PTPRD: variants seen among roughly 807,000 people sequenced by gnomAD.
PTPRD encodes the protein receptor-type tyrosine-protein phosphatase delta.
Under a neutral mutation model 214.5 loss-of-function variants are expected in PTPRD, and 34 were observed. That is an observed-to-expected ratio of 0.16 (90% CI 0.12 to 0.21). The LOEUF (loss-of-function observed/expected upper bound fraction) is 0.21. Among genes scored for constraint, PTPRD ranks in the 10% least tolerant of loss-of-function variants. The probability of loss-of-function intolerance (pLI) is 1.00; values close to 1 mark genes in which losing one functional copy is unlikely to be tolerated. For missense variants in PTPRD, 2,545 were observed against 2,398.7 expected, an observed-to-expected ratio of 1.06 and a Z score of -1.27; for synonymous variants, 1,128 against 845.7, an observed-to-expected ratio of 1.33 and a Z score of -5.79.
At chr9:9,116,957 G>C (rs187523889) in intron 10 of PTPRD, among the ~76,000 whole-genome samples, 156 of 152,172 alleles carry the variant, frequency 1.0e-3, no homozygotes, top group African/African-American at 3.6e-3. Flanking sequence ...ATACATATTT[G>C]TCCAATAAAT....
intron 9 of PTPRD, among the ~76,000 whole-genome samples, chr9:9,358,709 C>A (rs962273596): frequency 6.6e-6 from 1 of 151,264 alleles, no homozygotes; most frequent in Non-Finnish European, 1.5e-5. Flanking sequence ...AATGGTAGAA[C>A]TAAAAAGTAC....
At chr9:8,868,396 G>T (rs1376809828) in intron 11 of PTPRD, among the ~76,000 whole-genome samples, 1 of 152,026 alleles carries the variant, frequency 6.6e-6, no homozygotes, top group African/African-American at 2.4e-5. Flanking sequence ...AGAGAAGGGG[G>T]TGTCACTATG....
At chr9:8,738,826 C>T (rs7046324) in intron 11 of PTPRD, among the ~76,000 whole-genome samples, 11,125 of 152,094 alleles carry the variant, frequency 0.073, 1,086 homozygotes, top group African/African-American at 0.23. Context: ...CATTGTTTAT[C>T]TCTGAACATT....
intron 3 of PTPRD, among the ~76,000 whole-genome samples, chr9:10,268,900 T>G (rs1045903541): frequency 1.3e-5 from 2 of 152,318 alleles, no homozygotes; most frequent in Non-Finnish European, 2.9e-5. Context: ...TCAGCAACAT[T>G]GGCATTATTT....
At chr9:10,123,476 T>C (rs2098792482) in intron 3 of PTPRD, among the ~76,000 whole-genome samples, 1 of 152,188 alleles carries the variant, frequency 6.6e-6, no homozygotes, top group Admixed American at 6.5e-5. Context: ...AGTGAAGAAA[T>C]GTCTTGGAAG....
intron 11 of PTPRD, among the ~76,000 whole-genome samples, chr9:8,932,260 A>G (rs578088670): frequency 6.6e-6 from 1 of 152,076 alleles, no homozygotes; most frequent in South Asian, 2.1e-4. Context: ...TAGGGTGTCG[A>G]CTTTAGATCT....
chr9:8,744,167 T>C (rs1327009724), intron 11 of PTPRD, among the ~76,000 whole-genome samples: 1 of 151,780 alleles, frequency 6.6e-6, no homozygotes, highest in African/African-American at 2.4e-5. Flanking sequence ...GGTGTAGATG[T>C]GGTGAAAAGG....
At chr9:10,350,899 A>G (rs1473666309) in intron 2 of PTPRD, among the ~76,000 whole-genome samples, 2 of 152,136 alleles carry the variant, frequency 1.3e-5, no homozygotes, top group Non-Finnish European at 2.9e-5. Flanking sequence ...AGGTGGAAAG[A>G]CATCGTAATT....
intron 5 of PTPRD, among the ~76,000 whole-genome samples, chr9:9,813,380 A>G (rs2047753997): frequency 2.1e-5 from 2 of 96,186 alleles, no homozygotes; most frequent in South Asian, 5.9e-4. Context: ...CAAAATTGAT[A>G]AACCTTTAGC....
chr9:8,416,972 C>T (rs1308041589), intron 35 of PTPRD, among the ~76,000 whole-genome samples: 1 of 151,700 alleles, frequency 6.6e-6, no homozygotes. Flanking sequence ...GAAGACAGAG[C>T]TCTTAACTAC....
intron 14 of PTPRD, among the ~76,000 whole-genome samples, chr9:8,558,238 G>C (rs532797281): frequency 6.6e-6 from 1 of 152,268 alleles, no homozygotes; most frequent in Non-Finnish European, 1.5e-5. Flanking sequence ...TATGCAAACG[G>C]AGACAACTAA....
chr9:8,386,149 A>T (rs979066437), intron 37 of PTPRD, among the ~76,000 whole-genome samples: 11 of 152,198 alleles, frequency 7.2e-5, no homozygotes, highest in African/African-American at 2.4e-4. Context: ...CCAAAAAAGG[A>T]AAAATGAGAA....
chr9:9,948,345 A>ATG (rs2093048843), intron 4 of PTPRD, among the ~76,000 whole-genome samples: 1 of 152,054 alleles, frequency 6.6e-6, no homozygotes, highest in Non-Finnish European at 1.5e-5. Context: ...CTAGGAAGGG[A>ATG]TGTGTATTCC....
chr9:10,480,113 G>A (rs936766098), intron 2 of PTPRD, among the ~76,000 whole-genome samples: 2 of 111,852 alleles, frequency 1.8e-5, no homozygotes, highest in Non-Finnish European at 3.9e-5. Context: ...TGGGCAGGGA[G>A]AAAACAAAAA....
chr9:8,993,469 T>C (rs1017961750), intron 11 of PTPRD, among the ~76,000 whole-genome samples: 1 of 152,184 alleles, frequency 6.6e-6, no homozygotes, highest in African/African-American at 2.4e-5. Flanking sequence ...ACAATTCTGT[T>C]GAAAATTTGT....
intron 2 of PTPRD, among the ~76,000 whole-genome samples, chr9:10,543,405 A>T (rs549637291): frequency 2.6e-5 from 4 of 152,044 alleles, no homozygotes; most frequent in South Asian, 4.1e-4. Context: ...TTACTCATAG[A>T]ATTTGTGTGT....
intron 3 of PTPRD, among the ~76,000 whole-genome samples, chr9:10,260,270 G>A (rs1471772287): frequency 6.6e-6 from 1 of 152,142 alleles, no homozygotes; most frequent in East Asian, 1.9e-4. Context: ...GAACCCCTTG[G>A]GCAGTTTCAG....
intron 10 of PTPRD, among the ~76,000 whole-genome samples, chr9:9,165,595 G>A (rs888993049): frequency 1.3e-5 from 2 of 152,140 alleles, no homozygotes; most frequent in African/African-American, 2.4e-5. Context: ...TACTATTAAG[G>A]TTTGAATTTA....
chr9:10,073,087 A>G (rs1292198353), intron 3 of PTPRD, among the ~76,000 whole-genome samples: 1 of 152,112 alleles, frequency 6.6e-6, no homozygotes, highest in East Asian at 1.9e-4. Context: ...AGGTAAAACT[A>G]TAGAGATAGT....
Sources: allele counts gnomAD v4.1 joint callset (sites outside exome capture counted in the v4.1 genomes callset), GRCh38; gene constraint gnomAD v4.1.1; transcripts MANE v1.5; gene names NCBI Gene and HGNC (gene_info 2026-07-23, HGNC 2026-07-21).